The following CNTN6 variants were observed in gnomAD, a reference collection of about 807,000 sequenced individuals.
The protein encoded by CNTN6 is contactin-6.
CNTN6 carries 137 observed loss-of-function variants against 122.8 expected under a neutral mutation model. The ratio of observed to expected loss-of-function variants is 1.12; its 90% CI spans 0.97 to 1.29. The LOEUF (loss-of-function observed/expected upper bound fraction) is 1.29. Among genes scored for constraint, CNTN6 ranks in the 50% most tolerant of loss-of-function variants. The pLI is 0.00. For synonymous variants in CNTN6, 570 were observed against 426.0 expected, an observed-to-expected ratio of 1.34 and a Z score of -4.16; for missense variants, 1,634 against 1,223.4, an observed-to-expected ratio of 1.34 and a Z score of -5.01.
At chr3:1,279,417 C>A (rs889292788) in intron 5 of CNTN6, among the ~76,000 whole-genome samples, 1 of 152,226 alleles carries the variant, frequency 6.6e-6, no homozygotes, top group South Asian at 2.1e-4. Context: ...CAAGGACTTA[C>A]ACAGCACAGA....
chr3:1,351,381 C>G (rs1172260796), intron 11 of CNTN6, among the ~76,000 whole-genome samples: 1 of 151,958 alleles, frequency 6.6e-6, no homozygotes, highest in Non-Finnish European at 1.5e-5. Flanking sequence ...TATGTTGTCA[C>G]ACATTTTGAT....
chr3:1,324,679 C>T (rs1701290633), intron 8 of CNTN6, among the ~76,000 whole-genome samples: 1 of 149,678 alleles, frequency 6.7e-6, no homozygotes, highest in South Asian at 2.1e-4. Context: ...TGGTGGTCAA[C>T]TCAATAACTC....
intron 11 of CNTN6, among the ~76,000 whole-genome samples, chr3:1,334,617 C>T (rs369598597): frequency 5.3e-5 from 8 of 151,952 alleles, no homozygotes; most frequent in South Asian, 2.1e-4. Context: ...GAGCCAAACA[C>T]GGCAATTGCT....
chr3:1,322,367 A>G (rs1398612218), intron 8 of CNTN6, among the ~76,000 whole-genome samples: 1 of 151,692 alleles, frequency 6.6e-6, no homozygotes, highest in African/African-American at 2.4e-5. Context: ...CTTAAGAGAG[A>G]CGATGAATGC....
intron 4 of CNTN6, among the ~76,000 whole-genome samples, chr3:1,272,413 A>G (rs570500969): frequency 6.6e-6 from 1 of 152,230 alleles, no homozygotes; most frequent in Non-Finnish European, 1.5e-5. Flanking sequence ...TGAGGATTCA[A>G]TGAGTGTACT....
chr3:1,332,523 G>GA (rs1702451668), intron 11 of CNTN6, among the ~76,000 whole-genome samples: 1 of 150,160 alleles, frequency 6.7e-6, no homozygotes, highest in African/African-American at 2.5e-5. Flanking sequence ...AGGAAGGAAG[G>GA]AAGGAAGGAG....
intron 5 of CNTN6, among the ~76,000 whole-genome samples, chr3:1,292,981 A>G (rs184377167): frequency 1.1e-4 from 16 of 152,068 alleles, no homozygotes; most frequent in African/African-American, 3.4e-4. Context: ...TTTTTCCCAC[A>G]TGACACTACT....
intron 12 of CNTN6, among the ~76,000 whole-genome samples, chr3:1,364,081 G>T (rs1404544939): frequency 2.0e-5 from 3 of 151,804 alleles, no homozygotes; most frequent in African/African-American, 7.2e-5. Context: ...ATTTAATTCA[G>T]TTTCTACAGT....
intron 3 of CNTN6, among the ~76,000 whole-genome samples, chr3:1,225,173 A>G (rs1429588845): frequency 1.3e-5 from 2 of 152,236 alleles, no homozygotes; most frequent in Non-Finnish European, 2.9e-5. Context: ...TTCAGATGCT[A>G]AAAGCAATCA....
intron 16 of CNTN6, among the ~76,000 whole-genome samples, chr3:1,376,270 A>G (rs916334683): frequency 6.6e-6 from 1 of 152,120 alleles, no homozygotes; most frequent in Admixed American, 6.6e-5. Flanking sequence ...TACAGTTTCT[A>G]TGATCTATTA....
At chr3:1,199,223 G>T (rs184153986) in intron 2 of CNTN6, among the ~76,000 whole-genome samples, 6 of 140,432 alleles carry the variant, frequency 4.3e-5, no homozygotes, top group Non-Finnish European at 9.0e-5. Flanking sequence ...CTGTCACTCA[G>T]TCTGGAGAGC....
chr3:1,253,173 A>T lies in CNTN6; in HGVS notation c.358+25180A>T, dbSNP rs527862081. Among the ~76,000 whole-genome samples the T allele has an allele frequency of 2.0e-5, 3 of 152,290 alleles. No homozygotes were observed. The South Asian group carries it at 6.2e-4, about 32-fold the overall frequency. On this transcript the variant is annotated intron_variant, in intron 4 of 22. Transcript: ENST00000446702. Reference sequence around the variant, plus strand: ...TCTTAGTTTTCATCAGAGGACTTGTATATTTCATTAGCTTCAGTCCTTGTA... The same window carrying T: ...TCTTAGTTTTCATCAGAGGACTTGTTTATTTCATTAGCTTCAGTCCTTGTA...
At chr3:1,304,992 A>AAAC (rs1251088543) in intron 7 of CNTN6, among the ~76,000 whole-genome samples, 1 of 151,584 alleles carries the variant, frequency 6.6e-6, no homozygotes, top group Non-Finnish European at 1.5e-5. Context: ...TCTGTCAAAA[A>AAAC]AAAAAAAAAA....
rs766653024 is a variant in CNTN6 at position 1,278,483 on chromosome 3, C to G, written c.429C>G (p.Leu143=). 1.9e-6 allele frequency: 3 copies of G among 1,612,276 alleles called. No homozygotes were observed. The highest frequency in any genetic ancestry group is 2.2e-5 in the South Asian group (2 of 90,926). ...GAGAAGGTCAAGGTGTGGTGCTTCT[C>G]TGTGGCCCACCGCCACATTTTGGAG... ...SVREGQGVVL[L]CGPPPHFGDL... Residue 143 remains leucine (L), a synonymous_variant, in exon 5 of 23, where the codon CTC becomes CTG. Transcript: ENST00000446702.
chr3:1,267,697 A>G (rs2094948755), intron 4 of CNTN6, among the ~76,000 whole-genome samples: 1 of 152,186 alleles, frequency 6.6e-6, no homozygotes. Context: ...TCTCTTTGGG[A>G]AAGATAAAAT....
rs753534300 is a variant in CNTN6, at chr3:1,352,372, G to C, written c.1413G>C (p.Arg471Ser). ...GCCTCAAGATATATAATATTACCAGGTCAGATGCTGGATCATATACATGCA... is the reference window on the plus strand; with the variant it reads ...GCCTCAAGATATATAATATTACCAGCTCAGATGCTGGATCATATACATGCA... ...DGSLKIYNITRSDAGSYTCIA... is the reference protein window; with the variant it reads ...DGSLKIYNITSSDAGSYTCIA... The change falls in exon 12 of 23, where the codon AGG (arginine) becomes AGC (serine). Residue 471 changes from arginine (R) to serine (S), a missense_variant. Physicochemically the swap from Arg to Ser is moderately radical, Grantham distance 110. Coordinates refer to ENST00000446702, the MANE Select transcript of CNTN6 (RefSeq NM_001289080.2). The C allele has an allele frequency of 8.2e-6, 13 of 1,590,826 alleles. No individual in the cohort carries two copies. The highest frequency in any genetic ancestry group is 1.1e-5 in the Non-Finnish European group (13 of 1,165,754).
chr3:1,181,730 C>T (rs1471359079), intron 2 of CNTN6, among the ~76,000 whole-genome samples: 1 of 152,132 alleles, frequency 6.6e-6, no homozygotes, highest in Non-Finnish European at 1.5e-5. Context: ...GTTAAGGATT[C>T]ATGGCTTAAA....
intron 12 of CNTN6, among the ~76,000 whole-genome samples, chr3:1,359,751 T>C (rs893480384): frequency 2.0e-5 from 3 of 152,066 alleles, no homozygotes; most frequent in Non-Finnish European, 4.4e-5. Flanking sequence ...TAAAAACAAC[T>C]CCTTTATTTC....
At chr3:1,206,590 T>C (rs918422036) in intron 2 of CNTN6, among the ~76,000 whole-genome samples, 9 of 152,188 alleles carry the variant, frequency 5.9e-5, no homozygotes, top group African/African-American at 1.9e-4. Flanking sequence ...ATTGACCCCA[T>C]GTCTTTCTGT....
Sources: allele counts gnomAD v4.1 joint callset (sites outside exome capture counted in the v4.1 genomes callset), GRCh38; gene constraint gnomAD v4.1.1; transcripts MANE v1.5; gene names NCBI Gene and HGNC (gene_info 2026-07-23, HGNC 2026-07-21).